CAST: variants seen among roughly 807,000 people sequenced by gnomAD.
The protein encoded by CAST is calpastatin.
Under a neutral mutation model 119.6 loss-of-function variants are expected in CAST, and 76 were observed. That is an observed-to-expected ratio of 0.64 (90% CI 0.53 to 0.77). The LOEUF is 0.77. CAST is among the 30% of genes least tolerant of loss of function. The probability of loss-of-function intolerance (pLI) is 0.00; values close to 1 mark genes in which losing one functional copy is unlikely to be tolerated. For synonymous variants in CAST, 319 were observed against 331.6 expected (o/e 0.96, Z 0.41); for missense variants, 953 against 946.5 (o/e 1.01, Z -0.09).
intron 1 of CAST, among the ~76,000 whole-genome samples, chr5:96,601,592 G>A (rs978849902): frequency 6.6e-6 from 1 of 152,160 alleles, no homozygotes; most frequent in Admixed American, 6.5e-5. Context: ...TGCAGTGAAA[G>A]TACCGATTTC....
At chr5:96,027,014 C>G in the CAST span, among the ~76,000 whole-genome samples, 1 of 151,898 alleles carries the variant, frequency 6.6e-6, no homozygotes, top group Non-Finnish European at 1.5e-5. Context: ...AGTTTGAGAC[C>G]AGCCTGAGCA....
chr5:96,496,060 C>T, the CAST span, among the ~76,000 whole-genome samples: 1 of 151,938 alleles, frequency 6.6e-6, no homozygotes, highest in Non-Finnish European at 1.5e-5. Context: ...ATACAAGTGG[C>T]TGGTCATAAA....
chr5:96,552,983 A>G (rs1043083692), intron 1 of CAST, among the ~76,000 whole-genome samples: 9 of 152,210 alleles, frequency 5.9e-5, no homozygotes, highest in East Asian at 1.9e-4. Context: ...CCAGAGGTAC[A>G]AAGAGGAGCT....
In CAST at chr5:96,613,696, A is replaced by C. The variant is rs537027227; in HGVS notation, c.61-61843A>C. On this transcript the variant is annotated intron_variant, in intron 1 of 11. Transcript: ENST00000505143. ...AATGAAACAACTTAAGGGTATTCAA[A>C]GGCACAAAACAACAACAACAATAGT... Among the ~76,000 whole-genome samples the C allele has an allele frequency of 4.6e-5, 7 of 152,326 alleles. No individual in the cohort carries two copies. In the South Asian group the frequency reaches 1.5e-3, roughly 32 times the overall value.
chr5:96,579,875 G>A (rs952994755), intron 1 of CAST, among the ~76,000 whole-genome samples: 21 of 152,158 alleles, frequency 1.4e-4, no homozygotes, highest in African/African-American at 4.8e-4. Flanking sequence ...AATATTATGG[G>A]CCTAGTCATC....
chr5:96,222,304 T>C, the CAST span, among the ~76,000 whole-genome samples: 3 of 152,078 alleles, frequency 2.0e-5, no homozygotes, highest in Non-Finnish European at 4.4e-5. Flanking sequence ...AAAGGAAACA[T>C]CAACAGAGTG....
chr5:96,130,973 A>G, the CAST span, among the ~76,000 whole-genome samples: 2 of 152,182 alleles, frequency 1.3e-5, no homozygotes, highest in Non-Finnish European at 2.9e-5. Flanking sequence ...AATAATATCT[A>G]TCACAATAAG....
chr5:96,201,644 T>C, the CAST span, among the ~76,000 whole-genome samples: 1 of 152,092 alleles, frequency 6.6e-6, no homozygotes, highest in Non-Finnish European at 1.5e-5. Flanking sequence ...AAACACCTCG[T>C]AATCCAGCTA....
chr5:96,269,578 A>G, the CAST span, among the ~76,000 whole-genome samples: 1 of 152,222 alleles, frequency 6.6e-6, no homozygotes, highest in East Asian at 1.9e-4. Context: ...AGGGAAACAT[A>G]ACAACTGAAG....
At chr5:96,603,906 G>T (rs1747206298) in intron 1 of CAST, among the ~76,000 whole-genome samples, 1 of 151,568 alleles carries the variant, frequency 6.6e-6, no homozygotes, top group African/African-American at 2.4e-5. Context: ...TGGGACTACA[G>T]GTGCATGCCA....
chr5:96,207,769 TGTCTCTGCCA>T, the CAST span, among the ~76,000 whole-genome samples: 1 of 152,164 alleles, frequency 6.6e-6, no homozygotes, highest in South Asian at 2.1e-4. Context: ...GTTGTTGTTG[TGTCTCTGCCA>T]GGTTTTGGTA....
At chr5:96,511,437 C>T in the CAST span, among the ~76,000 whole-genome samples, 1 of 152,118 alleles carries the variant, frequency 6.6e-6, no homozygotes, top group Non-Finnish European at 1.5e-5. Flanking sequence ...CCACTGCACC[C>T]CATCCACAAA....
chr5:96,310,187 T>C, the CAST span, among the ~76,000 whole-genome samples: 1 of 152,212 alleles, frequency 6.6e-6, no homozygotes, highest in Non-Finnish European at 1.5e-5. Flanking sequence ...GATGACATGA[T>C]TATATAATTT....
At chr5:96,217,939 C>T in the CAST span, among the ~76,000 whole-genome samples, 2 of 152,258 alleles carry the variant, frequency 1.3e-5, no homozygotes, top group South Asian at 4.1e-4. Context: ...ATAATATGTA[C>T]ACTTTCTGTG....
At chr5:95,991,695 G>A in the CAST span, among the ~76,000 whole-genome samples, 4 of 151,510 alleles carry the variant, frequency 2.6e-5, no homozygotes, top group Non-Finnish European at 4.4e-5. Context: ...TAGTGGAGAC[G>A]GGATCTCACC....
At chr5:96,754,204 T>C (rs1297548431) in intron 21 of CAST, 43 bp downstream of exon 21, 1 of 1,123,820 alleles carries the variant, frequency 8.9e-7, no homozygotes, top group South Asian at 1.2e-5. Context: ...ATATCATTGA[T>C]CACCTTCTCC....
At chr5:96,679,388 A>G (rs1011569661) in intron 2 of CAST, 1 of 152,246 alleles carries the variant, frequency 6.6e-6, no homozygotes, top group East Asian at 1.9e-4. Flanking sequence ...GAGAGGAGGA[A>G]AAAGAAAAAT....
At chr5:96,626,324 T>C (rs1434042242) in intron 1 of CAST, among the ~76,000 whole-genome samples, 1 of 152,136 alleles carries the variant, frequency 6.6e-6, no homozygotes, top group Non-Finnish European at 1.5e-5. Flanking sequence ...CCGAGGGTGA[T>C]TAAAACAAAG....
the CAST span, among the ~76,000 whole-genome samples, chr5:96,507,602 GT>G: frequency 6.6e-6 from 1 of 152,104 alleles, no homozygotes; most frequent in Non-Finnish European, 1.5e-5. Flanking sequence ...GAAATCAGGG[GT>G]TACTTCTGAC....
Sources: allele counts gnomAD v4.1 joint callset (sites outside exome capture counted in the v4.1 genomes callset), GRCh38; gene constraint gnomAD v4.1.1; transcripts MANE v1.5; gene names NCBI Gene and HGNC (gene_info 2026-07-23, HGNC 2026-07-21).